PDE7A: variants seen among roughly 807,000 people sequenced by gnomAD.
The protein encoded by PDE7A is high affinity 3',5'-cyclic-AMP phosphodiesterase 7A.
A neutral mutation model predicts 64.3 loss-of-function variants in PDE7A; 39 were observed. That is an observed-to-expected ratio of 0.61 (90% CI 0.47 to 0.79). The LOEUF is 0.79. Ranked by LOEUF, PDE7A falls within the 30% of genes least tolerant of loss-of-function variation. The pLI is 0.00. For synonymous variants in PDE7A, 203 were observed against 206.8 expected (o/e 0.98, Z 0.16); for missense variants, 470 against 582.8 (o/e 0.81, Z 1.99).
intron 2 of PDE7A, among the ~76,000 whole-genome samples, chr8:65,780,652 G>A (rs760223322): frequency 9.9e-5 from 15 of 152,168 alleles, no homozygotes; most frequent in Non-Finnish European, 1.9e-4. Flanking sequence ...ACTTTGAGAA[G>A]TTAAATAGCA....
intron 1 of PDE7A, among the ~76,000 whole-genome samples, chr8:65,818,640 G>A (rs563159392): frequency 2.6e-5 from 4 of 152,122 alleles, no homozygotes; most frequent in Non-Finnish European, 5.9e-5. Flanking sequence ...GCTCTGAGTT[G>A]AACTTCCCAA....
At position 65,758,863 on chromosome 8, in the gene PDE7A, C is replaced by T; in HGVS notation, c.284-11060G>A. ...TCAGGTCTATCCCATCTGTAGCCCC[C>T]CAGGGCTACCAGCATCAGTCTCACT... On this transcript the variant is annotated intron_variant, in intron 3 of 12. Transcript: ENST00000401827. 1.3e-5 allele frequency among the ~76,000 whole-genome samples: 2 copies of T among 152,202 alleles called. 1 individual carries two copies. Among genetic ancestry groups the T allele is most frequent in the Non-Finnish European group, 2.9e-5 (2 of 68,042 alleles).
chr8:65,795,948 GA>G (rs58027345), intron 1 of PDE7A, among the ~76,000 whole-genome samples: 1,840 of 150,710 alleles, frequency 0.012, 18 homozygotes, highest in Middle Eastern at 0.027. Flanking sequence ...TGTACACAAT[GA>G]AAAAAAAGAA....
rs191901006 is a variant in PDE7A, at chr8:65,817,998, C to T, written c.138+23373G>A. Among the ~76,000 whole-genome samples the T allele has an allele frequency of 1.8e-3, 280 of 152,172 alleles. 1 individual carries two copies. The highest frequency in any genetic ancestry group is 6.4e-3 in the African/African-American group (266 of 41,522). On this transcript the variant is annotated intron_variant, in intron 1 of 12. Transcript: ENST00000401827. Reference sequence around the variant, plus strand: ...CAATCTCCTGACCTCGTGATCCGCCCGCCTCGGCCTCCCAAGGTGCTAGGA... The same window carrying T: ...CAATCTCCTGACCTCGTGATCCGCCTGCCTCGGCCTCCCAAGGTGCTAGGA...
rs1299590508 is a variant in PDE7A, at chr8:65,714,634, A to C, written c.*4656T>G. ...TTGAAAGCAATACTGAATTCCTATTAGCTATTGGTCACTGTGTATTTTCTC... is the reference window on the plus strand; with the variant it reads ...TTGAAAGCAATACTGAATTCCTATTCGCTATTGGTCACTGTGTATTTTCTC... On this transcript the variant is annotated 3_prime_UTR_variant, in exon 13 of 13. Coordinates refer to ENST00000401827, the MANE Select transcript of PDE7A (RefSeq NM_001242318.3). 1.3e-5 allele frequency: 2 copies of C among 152,234 alleles called. No homozygotes were observed. Among genetic ancestry groups the C allele is most frequent in the Non-Finnish European group, 2.9e-5 (2 of 68,038 alleles). The allele number at this position is 152,234 out of a possible 1,614,324, so 9.4% of individuals were successfully genotyped here.
chr8:65,791,973 T>C (rs1266644868), intron 1 of PDE7A, among the ~76,000 whole-genome samples: 2 of 152,102 alleles, frequency 1.3e-5, no homozygotes, highest in African/African-American at 4.8e-5. Flanking sequence ...TAAGATGAAA[T>C]AAAAACAAAT....
At chr8:65,804,262 C>A (rs1311442337) in intron 1 of PDE7A, among the ~76,000 whole-genome samples, 2 of 152,106 alleles carry the variant, frequency 1.3e-5, no homozygotes, top group African/African-American at 2.4e-5. Context: ...CCTATACCTA[C>A]CCTAATTCAA....
At chr8:65,765,931 GAA>G (rs1340185533) in intron 3 of PDE7A, among the ~76,000 whole-genome samples, 1 of 152,108 alleles carries the variant, frequency 6.6e-6, no homozygotes. Context: ...ATTTAGAGCA[GAA>G]AAGAGATGAA....
intron 7 of PDE7A, among the ~76,000 whole-genome samples, chr8:65,729,805 G>A (rs2128894699): frequency 6.6e-6 from 1 of 152,074 alleles, no homozygotes; most frequent in Middle Eastern, 3.4e-3. Context: ...CTAATCTCAG[G>A]TGATCCGCCT....
intron 7 of PDE7A, among the ~76,000 whole-genome samples, chr8:65,734,030 G>A (rs1353653221): frequency 1.3e-5 from 2 of 152,152 alleles, no homozygotes; most frequent in African/African-American, 4.8e-5. Context: ...CATACATTAA[G>A]TCTGATTTCT....
At chr8:65,747,210 AAGAG>A (rs1402713476) in intron 4 of PDE7A, among the ~76,000 whole-genome samples, 1 of 152,162 alleles carries the variant, frequency 6.6e-6, no homozygotes, top group African/African-American at 2.4e-5. Context: ...ACACACAAAA[AAGAG>A]AGAGAGACCT....
chr8:65,745,604 T>C, intron 4 of PDE7A, 134 bp from the exon 5 acceptor site: 2 of 601,452 alleles, frequency 3.3e-6, no homozygotes, highest in Non-Finnish European at 5.9e-6. Flanking sequence ...CATTTTTCTT[T>C]TAATCATGAC....
At chr8:65,806,817 G>C (rs1810126383) in intron 1 of PDE7A, among the ~76,000 whole-genome samples, 1 of 152,118 alleles carries the variant, frequency 6.6e-6, no homozygotes, top group African/African-American at 2.4e-5. Context: ...CCATTGGATG[G>C]CCTTGGTACC....
intron 6 of PDE7A, among the ~76,000 whole-genome samples, chr8:65,737,193 T>C (rs1448712286): frequency 1.3e-5 from 2 of 152,098 alleles, no homozygotes; most frequent in Non-Finnish European, 2.9e-5. Context: ...ATTCCAGATA[T>C]GCTGCACAAA....
chr8:65,761,508 C>G (rs186774859), intron 3 of PDE7A, among the ~76,000 whole-genome samples: 1 of 152,238 alleles, frequency 6.6e-6, no homozygotes, highest in African/African-American at 2.4e-5. Flanking sequence ...CAGGCTTGTG[C>G]TAGTTTACAT....
rs1032210809 is a variant in PDE7A at position 65,828,894 on chromosome 8, C to A, written c.138+12477G>T. 2.0e-5 allele frequency among the ~76,000 whole-genome samples: 3 copies of A among 152,048 alleles called. No individual in the cohort carries two copies. The East Asian group carries it at 5.8e-4, about 29-fold the overall frequency. Reference sequence around the variant, plus strand: ...TATTTCTTCTTGGAACTGCTTGAGACTTTTGCTAATTTTCTACCGAGTAGT... The same window carrying A: ...TATTTCTTCTTGGAACTGCTTGAGAATTTTGCTAATTTTCTACCGAGTAGT... On this transcript the variant is annotated intron_variant, in intron 1 of 12. Transcript: ENST00000401827.
chr8:65,803,716 G>C (rs934913134), intron 1 of PDE7A, among the ~76,000 whole-genome samples: 1 of 151,988 alleles, frequency 6.6e-6, no homozygotes, highest in Non-Finnish European at 1.5e-5. Context: ...TGTTTAAATG[G>C]ATTTAATTCA....
At chr8:65,817,376 GAAATGTCTTACAT>G (rs1810432986) in intron 1 of PDE7A, among the ~76,000 whole-genome samples, 1 of 152,064 alleles carries the variant, frequency 6.6e-6, no homozygotes. Context: ...CATAATAATG[GAAATGTCTTACAT>G]AACCATGGTA....
chr8:65,772,121 G>A (rs187548476), intron 3 of PDE7A, among the ~76,000 whole-genome samples: 4 of 152,194 alleles, frequency 2.6e-5, no homozygotes, highest in Admixed American at 2.6e-4. Flanking sequence ...AACAGAAAGA[G>A]ACAACAATTT....
Sources: gnomAD v4.1 joint callset for allele counts (sites outside exome capture counted in the v4.1 genomes callset) on GRCh38, gnomAD v4.1.1 for gene constraint, MANE v1.5 for transcripts, NCBI Gene and HGNC (gene_info 2026-07-23, HGNC 2026-07-21) for gene names.